Variants in DLGAP2 observed in about 807,000 individuals in gnomAD.
DLGAP2 encodes disks large-associated protein 2.
A neutral mutation model predicts 100.3 loss-of-function variants in DLGAP2; 26 were observed. The ratio of observed to expected loss-of-function variants is 0.26; its 90% CI spans 0.19 to 0.36. DLGAP2 has a LOEUF of 0.36. Ranked by LOEUF, DLGAP2 falls within the 10% of genes least tolerant of loss-of-function variation. The pLI is 1.00. For missense variants in DLGAP2, 1,858 were observed against 1,453.2 expected (o/e 1.28, Z -4.53); for synonymous variants, 886 against 630.1 (o/e 1.41, Z -6.08).
chr8:850,059 TAAAAAAAAAA>T (rs369727619), intron 1 of DLGAP2, among the ~76,000 whole-genome samples: 1 of 129,318 alleles, frequency 7.7e-6, no homozygotes, highest in Non-Finnish European at 1.6e-5. Context: ...GGAGACTGTC[TAAAAAAAAAA>T]AAAAAAAAAC....
At chr8:1,220,609 A>G (rs1029747311) in intron 2 of DLGAP2, among the ~76,000 whole-genome samples, 8 of 152,176 alleles carry the variant, frequency 5.3e-5, no homozygotes, top group Non-Finnish European at 1.0e-4. Flanking sequence ...GTAGATATCT[A>G]TTAGGTCTAT....
intron 4 of DLGAP2, among the ~76,000 whole-genome samples, chr8:1,520,113 C>G (rs997925880): frequency 6.6e-6 from 1 of 152,210 alleles, no homozygotes; most frequent in Non-Finnish European, 1.5e-5. Context: ...TCTCTGCTTC[C>G]CAACATACCA....
At chr8:1,654,973 A>C (rs1408205026) in intron 8 of DLGAP2, among the ~76,000 whole-genome samples, 1 of 152,338 alleles carries the variant, frequency 6.6e-6, no homozygotes, top group East Asian at 1.9e-4. Flanking sequence ...TGTGATGTTC[A>C]AACCTTTTCA....
At chr8:1,233,277 G>C (rs1798575039) in intron 2 of DLGAP2, among the ~76,000 whole-genome samples, 1 of 152,222 alleles carries the variant, frequency 6.6e-6, no homozygotes, top group Admixed American at 6.5e-5. Flanking sequence ...CATCCTGGAT[G>C]CATTCCCCTA....
At chr8:1,435,873 T>G (rs1405500958) in intron 3 of DLGAP2, among the ~76,000 whole-genome samples, 5 of 151,916 alleles carry the variant, frequency 3.3e-5, no homozygotes, top group African/African-American at 9.7e-5. Context: ...ACAAGAGAGT[T>G]TAAAAAGTAA....
chr8:1,582,987 T>C (rs1291235930), intron 6 of DLGAP2, among the ~76,000 whole-genome samples: 1 of 152,158 alleles, frequency 6.6e-6, no homozygotes, highest in Admixed American at 6.5e-5. Flanking sequence ...CGGAAATTCT[T>C]ACAGCCATGC....
intron 1 of DLGAP2, among the ~76,000 whole-genome samples, chr8:849,871 C>G (rs113406521): frequency 2.0e-5 from 3 of 152,066 alleles, no homozygotes; most frequent in African/African-American, 7.2e-5. Flanking sequence ...CCAAACCAGC[C>G]TGGCCAACAT....
At chr8:1,097,994 C>G (rs951000847) in intron 2 of DLGAP2, among the ~76,000 whole-genome samples, 3 of 152,260 alleles carry the variant, frequency 2.0e-5, no homozygotes, top group South Asian at 2.1e-4. Flanking sequence ...TGTATGAACC[C>G]CAGCCGCATG....
chr8:1,435,259 T>C (rs138940226), intron 3 of DLGAP2, among the ~76,000 whole-genome samples: 132 of 152,292 alleles, frequency 8.7e-4, no homozygotes, highest in African/African-American at 3.0e-3. Context: ...ACAAAGCCTT[T>C]TTGTAAGAAT....
chr8:915,555 AAAAAG>A lies in DLGAP2; in HGVS notation c.73+7593_73+7597del, dbSNP rs552217826. Reference sequence around the variant, plus strand: ...GAGCAAGACTCCATCTCTAAAAAAAAAAAAGAAACCCATCGCTGGAATGAGACTGT... The same window carrying A: ...GAGCAAGACTCCATCTCTAAAAAAAAAAACCCATCGCTGGAATGAGACTGT... On this transcript the variant is annotated intron_variant, in intron 2 of 14. Coordinates refer to ENST00000637795, the MANE Select transcript of DLGAP2 (RefSeq NM_001346810.2). Among the ~76,000 whole-genome samples, 1,449 of 151,974 alleles carry A rather than the reference AAAAAG, an allele frequency of 9.5e-3. 13 individuals carry two copies. The highest frequency in any genetic ancestry group is 0.015 in the Non-Finnish European group (1,052 of 67,918).
At chr8:1,222,978 C>T (rs1354785346) in intron 2 of DLGAP2, among the ~76,000 whole-genome samples, 1 of 152,132 alleles carries the variant, frequency 6.6e-6, no homozygotes, top group Non-Finnish European at 1.5e-5. Flanking sequence ...GACGGGTGCC[C>T]ATGGCTGAGC....
chr8:1,165,038 G>A (rs756446312), intron 2 of DLGAP2, among the ~76,000 whole-genome samples: 11 of 151,990 alleles, frequency 7.2e-5, no homozygotes, highest in East Asian at 3.9e-4. Context: ...TTGGGAGTCC[G>A]GGGTCCTGGC....
intron 4 of DLGAP2, among the ~76,000 whole-genome samples, chr8:1,501,655 G>A (rs1799727827): frequency 6.6e-6 from 1 of 152,250 alleles, no homozygotes; most frequent in Non-Finnish European, 1.5e-5. Flanking sequence ...CTCAGGAACT[G>A]AGGCAGCCGT....
At chr8:1,311,335 G>A (rs940482948) in intron 3 of DLGAP2, among the ~76,000 whole-genome samples, 3 of 152,194 alleles carry the variant, frequency 2.0e-5, no homozygotes, top group Non-Finnish European at 4.4e-5. Flanking sequence ...GTTCACTGGT[G>A]AATTCCACCA....
intron 1 of DLGAP2, among the ~76,000 whole-genome samples, chr8:810,454 A>G (rs760052611): frequency 3.9e-5 from 6 of 152,220 alleles, no homozygotes; most frequent in Non-Finnish European, 8.8e-5. Context: ...AGTGCCTAAT[A>G]TGCTGATAAT....
chr8:1,441,624 G>C (rs58447221), intron 3 of DLGAP2, among the ~76,000 whole-genome samples: 1 of 148,152 alleles, frequency 6.7e-6, no homozygotes, highest in African/African-American at 2.5e-5. Context: ...GGAGGCGGAG[G>C]TTGCAGTGAG....
At position 1,488,632 on chromosome 8, in the gene DLGAP2, G is replaced by C. The variant is rs546722315; in HGVS notation, c.107-12734G>C. 2.0e-5 allele frequency among the ~76,000 whole-genome samples: 3 copies of C among 152,314 alleles called. No individual in the cohort carries two copies. The South Asian group carries it at 6.2e-4, about 32-fold the overall frequency. ...CCACACAGGAGAAAACAGGGGTTTG[G>C]AGCCAGAGAGAAATTGAGGATGCAG... On this transcript the variant is annotated intron_variant, in intron 3 of 14. Transcript: ENST00000637795.
chr8:1,004,111 A>G (rs1286532474), intron 2 of DLGAP2, among the ~76,000 whole-genome samples: 1 of 152,218 alleles, frequency 6.6e-6, no homozygotes, highest in Non-Finnish European at 1.5e-5. Context: ...ATAGTATTAA[A>G]ACAAAAATTT....
chr8:1,188,421 G>A (rs375896534), intron 2 of DLGAP2, among the ~76,000 whole-genome samples: 5 of 46,240 alleles, frequency 1.1e-4, no homozygotes, highest in South Asian at 1.5e-3. Context: ...TCACAGAATC[G>A]CGCACGCCCG....
Sources: gnomAD v4.1 joint callset for allele counts (sites outside exome capture counted in the v4.1 genomes callset) on GRCh38, gnomAD v4.1.1 for gene constraint, MANE v1.5 for transcripts, NCBI Gene and HGNC (gene_info 2026-07-23, HGNC 2026-07-21) for gene names.